LYST: variants seen among roughly 807,000 people sequenced by gnomAD.
LYST encodes lysosomal-trafficking regulator.
Under a neutral mutation model 413.6 loss-of-function variants are expected in LYST, and 192 were observed. That is an observed-to-expected ratio of 0.46 (90% CI 0.41 to 0.52). The LOEUF (loss-of-function observed/expected upper bound fraction) is 0.52, where lower values mean the gene tolerates loss of function less well. LYST is among the 20% of genes least tolerant of loss of function. The probability of loss-of-function intolerance (pLI) is 0.00; values close to 1 mark genes in which losing one functional copy is unlikely to be tolerated. For missense variants in LYST, 3,815 were observed against 4,499.9 expected, an observed-to-expected ratio of 0.85 and a Z score of 4.35; for synonymous variants, 1,525 against 1,567.3, an observed-to-expected ratio of 0.97 and a Z score of 0.64.
At chr1:235,730,746 T>C in intron 36 of LYST, 101 bp downstream of exon 36, 1 of 908,796 alleles carries the variant, frequency 1.1e-6, no homozygotes, top group Non-Finnish European at 1.8e-6. Flanking sequence ...TTTAGGATTT[T>C]TCTGAAAATG....
intron 43 of LYST, 84 bp downstream of exon 43, chr1:235,711,973 A>C (rs560370384): frequency 1.7e-6 from 2 of 1,158,678 alleles, no homozygotes; most frequent in Non-Finnish European, 1.2e-6. Context: ...TTTAGGACTT[A>C]AAAAAGCTAT....
intron 1 of LYST, among the ~76,000 whole-genome samples, chr1:235,856,041 TAAG>T (rs576178210): frequency 1.7e-4 from 26 of 152,068 alleles, no homozygotes; most frequent in Non-Finnish European, 3.4e-4. Context: ...AGAACAGAAA[TAAG>T]AAAGAAATAT....
chr1:235,873,354 GT>G (rs1011634590), intron 1 of LYST, among the ~76,000 whole-genome samples: 7 of 151,668 alleles, frequency 4.6e-5, no homozygotes, highest in South Asian at 4.2e-4. Context: ...TCTCATACAA[GT>G]TTTTTTTTCC....
intron 1 of LYST, among the ~76,000 whole-genome samples, chr1:235,864,101 C>T (rs1017536716): frequency 3.3e-5 from 5 of 152,058 alleles, no homozygotes; most frequent in Admixed American, 2.0e-4. Flanking sequence ...TTCCTTTTAG[C>T]AATTTTCCAT....
intron 23 of LYST, 36 bp from the exon 24 acceptor site, chr1:235,757,494 CAAGAAAA>C (rs772321055): frequency 1.3e-6 from 2 of 1,503,764 alleles, no homozygotes; most frequent in Admixed American, 3.3e-5. Context: ...ACTAACATGA[CAAGAAAA>C]GTACTTGATG....
chr1:235,710,474 C>G (rs1370258062), intron 43 of LYST, among the ~76,000 whole-genome samples: 1 of 152,072 alleles, frequency 6.6e-6, no homozygotes, highest in African/African-American at 2.4e-5. Context: ...CAATCTTTCC[C>G]AACTTTCAGG....
At chr1:235,697,313 T>G in intron 45 of LYST, 41 bp from the exon 46 acceptor site, 4 of 1,451,564 alleles carry the variant, frequency 2.8e-6, no homozygotes, top group Non-Finnish European at 3.8e-6. Flanking sequence ...TTTTAAAAGG[T>G]GGTAAGTGTA....
At chr1:235,798,578 T>TAAAAAAAAAAAAAAAAAGAAAAAA (rs1671827024) in intron 10 of LYST, among the ~76,000 whole-genome samples, 1 of 81,714 alleles carries the variant, frequency 1.2e-5, no homozygotes, top group Non-Finnish European at 2.4e-5. Context: ...AACCCTGTCA[T>TAAAAAAAAAAAAAAAAAGAAAAAA]AAAAAAAAAA....
rs539755894 is a variant in LYST at position 235,812,343 on chromosome 1, A to C, written c.283+628T>G. ...ACATGGTGAAATCCCATCTGTATGTACTAAAATGCAAAAATTAGTCTGGCA... is the reference window on the plus strand; with the variant it reads ...ACATGGTGAAATCCCATCTGTATGTCCTAAAATGCAAAAATTAGTCTGGCA... On this transcript the variant is annotated intron_variant, in intron 4 of 52. Transcript: ENST00000389793. Among the ~76,000 whole-genome samples, 8 of 152,024 alleles carry C rather than the reference A, an allele frequency of 5.3e-5. No individual in the cohort carries two copies. In the East Asian group the frequency reaches 1.5e-3, roughly 29 times the overall value.
Position 235,775,002 on chromosome 1 carries a change from C to T in LYST, c.5545G>A (p.Val1849Ile), listed in dbSNP as rs545945525. ...CCATTACAATTTTCTAATTCATGTA[C>T]TCTTTGTTGGTTGTATTTAATTAAT... ...LSLIKYNQQR[V>I]HELENCNGLS... The change falls in exon 18 of 53, where the codon GTA becomes ATA. Residue 1849 changes from valine (V) to isoleucine (I), a missense_variant. Coordinates refer to ENST00000389793, the MANE Select transcript of LYST (RefSeq NM_000081.4). 1 of 1,609,704 alleles carries T rather than the reference C, an allele frequency of 6.2e-7. No homozygotes were observed. Among genetic ancestry groups the T allele is most frequent in the South Asian group, 1.1e-5 (1 of 90,970 alleles).
rs1042027475 is a variant in LYST at position 235,772,189 on chromosome 1, C to T, written c.5784+1653G>A. ...GCAGGGAGCCAAGATGGTGCCACTG[C>T]ATTTTAGCCTGGGTGACAGAGTGTG... On this transcript the variant is annotated intron_variant, in intron 19 of 52. Transcript: ENST00000389793. Among the ~76,000 whole-genome samples the T allele has an allele frequency of 9.9e-5, 15 of 152,152 alleles. No individual in the cohort carries two copies. In the South Asian group the frequency reaches 3.1e-3, roughly 32 times the overall value.
chr1:235,725,713 G>A (rs1558155733), intron 38 of LYST, among the ~76,000 whole-genome samples: 1 of 152,118 alleles, frequency 6.6e-6, no homozygotes, highest in Admixed American at 6.5e-5. Context: ...TGCAAATAAA[G>A]CCCCACTCAC....
intron 1 of LYST, among the ~76,000 whole-genome samples, chr1:235,847,349 G>A (rs2103078805): frequency 6.6e-6 from 1 of 152,212 alleles, no homozygotes; most frequent in African/African-American, 2.4e-5. Context: ...CCATCACCAA[G>A]CCACCACTAG....
chr1:235,867,998 A>G (rs1417660130), upstream of LYST, among the ~76,000 whole-genome samples: 2 of 152,130 alleles, frequency 1.3e-5, no homozygotes, highest in Non-Finnish European at 1.5e-5. Flanking sequence ...ATCTAACCCA[A>G]TGACAAGCAA....
chr1:235,666,676 G>T (rs969686288), intron 50 of LYST, among the ~76,000 whole-genome samples: 10 of 150,972 alleles, frequency 6.6e-5, no homozygotes, highest in African/African-American at 2.0e-4. Flanking sequence ...GTAGAACATT[G>T]ATTATATCTA....
rs190980865 is a variant in LYST at position 235,661,264 on chromosome 1, T to G, written c.*1676A>C. 1 of 152,642 alleles carries G rather than the reference T, an allele frequency of 6.6e-6. No individual in the cohort carries two copies. Among genetic ancestry groups the G allele is most frequent in the Non-Finnish European group, 1.5e-5 (1 of 68,040 alleles). The allele number at this position is 152,642 out of a possible 1,614,324, so 9.5% of individuals were successfully genotyped here. A position where few individuals can be genotyped will look rare whatever the true frequency, so the allele number is the denominator to read the frequency against. On this transcript the variant is annotated 3_prime_UTR_variant, in exon 53 of 53. Coordinates refer to ENST00000389793, the MANE Select transcript of LYST (RefSeq NM_000081.4). The stretch of plus-strand genomic sequence containing the variant: ...TAACAAGACCAGTTATTCTGCATAT[T>G]TTCTCTTTAGATAAATGATGAAATT...
Position 235,664,851 on chromosome 1 carries a change from C to T in LYST, c.11039-230G>A, listed in dbSNP as rs1658301197. 6.6e-6 allele frequency among the ~76,000 whole-genome samples: 1 copy of T among 152,196 alleles called. No individual in the cohort carries two copies. Among genetic ancestry groups the T allele is most frequent in the South Asian group, 2.1e-4 (1 of 4,830 alleles). On this transcript the variant is annotated intron_variant, in intron 50 of 52. Coordinates refer to ENST00000389793, the MANE Select transcript of LYST (RefSeq NM_000081.4). This position sits in a 1 kb window ranked among gnomAD's most constrained non-coding sequence, Gnocchi z 4.5. The stretch of plus-strand genomic sequence containing the variant: ...TAACTCTGTCGCCCAGGCTGGAGTG[C>T]AGTGGTGTGATCTTGGCTCACTGTA...
rs1658110980 is a variant in LYST at position 235,662,444 on chromosome 1, G to C, written c.*496C>G. 1 of 166,556 alleles carries C rather than the reference G, an allele frequency of 6.0e-6. No homozygotes were observed. The highest frequency in any genetic ancestry group is 5.7e-5 in the Admixed American group (1 of 17,394). 10.3% of individuals were successfully genotyped at this position (166,556 alleles called of 1,614,324 possible). ...CTGAATAATTTGCTTCTCAAAGAAA[G>C]CAATTATCAAGTCCTAAAAATTATC... On this transcript the variant is annotated 3_prime_UTR_variant, in exon 53 of 53. Transcript: ENST00000389793.
At position 235,664,591 on chromosome 1, in the gene LYST, G is replaced by A. The variant is rs1380931438; in HGVS notation, c.11069C>T (p.Thr3690Met). Residue 3690 changes from threonine to methionine, a missense_variant, in exon 51 of 53, where the codon ACG becomes ATG. This residue lies in a region of LYST where 866 missense variants were observed against 1,156.0 expected (regional missense o/e 0.75). Transcript: ENST00000389793. This position sits in a 1 kb window ranked among gnomAD's most constrained non-coding sequence, Gnocchi z 4.5. ...ATGTCCAACGAGATCCCCGTTCACC[G>A]TCCAGAGTCTGAGGTCACTGCCTCC... ...AGGGSDLRLW[T>M]VNGDLVGHVH... The A allele has an allele frequency of 4.3e-6, 7 of 1,613,958 alleles. No homozygotes were observed. Among genetic ancestry groups the A allele is most frequent in the Non-Finnish European group, 2.5e-6 (3 of 1,180,012 alleles).
Sources: gnomAD v4.1 joint callset for allele counts (sites outside exome capture counted in the v4.1 genomes callset) on GRCh38, gnomAD v4.1.1 for gene constraint, gnomAD v4.1.1 regional missense constraint, Gnocchi (gnomAD v3.1) non-coding constraint, MANE v1.5 for transcripts, NCBI Gene and HGNC (gene_info 2026-07-23, HGNC 2026-07-21) for gene names.